PDE4D: variants seen among roughly 807,000 people sequenced by gnomAD.
The protein encoded by PDE4D is phosphodiesterase 4D, also known as 3',5'-cyclic-AMP phosphodiesterase 4D.
A neutral mutation model predicts 87.4 loss-of-function variants in PDE4D; 24 were observed. That is an observed-to-expected ratio of 0.27 (90% CI 0.20 to 0.39). The LOEUF (loss-of-function observed/expected upper bound fraction) is 0.39. Among genes scored for constraint, PDE4D ranks in the 10% least tolerant of loss-of-function variants. The pLI is 1.00. For synonymous variants in PDE4D, 384 were observed against 383.2 expected (o/e 1.00, Z -0.02); for missense variants, 714 against 1,041.0 (o/e 0.69, Z 4.32).
At chr5:59,325,466 A>G (rs182735701) in intron 1 of PDE4D, among the ~76,000 whole-genome samples, 2 of 152,222 alleles carry the variant, frequency 1.3e-5, no homozygotes, top group East Asian at 1.9e-4. Context: ...GCATAGCAAA[A>G]GGACCTACAC....
chr5:59,200,003 C>T (rs552630026), intron 2 of PDE4D, among the ~76,000 whole-genome samples: 5 of 146,894 alleles, frequency 3.4e-5, no homozygotes, highest in South Asian at 4.5e-4. Flanking sequence ...TACATGCATG[C>T]AACATACATA....
chr5:60,280,152 A>G lies in PDE4D; in HGVS notation c.-89-94465T>C, dbSNP rs569547529. Among the ~76,000 whole-genome samples the G allele has an allele frequency of 1.1e-4, 16 of 152,236 alleles. No homozygotes were observed. The South Asian group carries it at 3.1e-3, about 30-fold the overall frequency. Reference sequence around the variant, plus strand: ...CGTTTTAAACAACATTACTCAACATATGCAACAAGTAAGTCATTATCATTC... The same window carrying G: ...CGTTTTAAACAACATTACTCAACATGTGCAACAAGTAAGTCATTATCATTC... On this transcript the variant is annotated intron_variant, in intron 1 of 16. Transcript: ENST00000502484.
At chr5:60,096,045 C>T (rs568210307) in intron 2 of PDE4D, among the ~76,000 whole-genome samples, 3 of 152,072 alleles carry the variant, frequency 2.0e-5, no homozygotes, top group Non-Finnish European at 2.9e-5. Context: ...CTGTAGGCTG[C>T]CTGTTCACTC....
chr5:59,134,138 A>G (rs1342497356), intron 5 of PDE4D, among the ~76,000 whole-genome samples: 1 of 149,482 alleles, frequency 6.7e-6, no homozygotes. Context: ...CACCTCCCTC[A>G]TAAAGCTAGC....
chr5:59,534,387 C>T (rs1228291058), intron 1 of PDE4D, among the ~76,000 whole-genome samples: 1 of 152,164 alleles, frequency 6.6e-6, no homozygotes, highest in Non-Finnish European at 1.5e-5. Flanking sequence ...ACTGGAAACA[C>T]TATTTTGCCT....
At chr5:59,938,121 A>G (rs1408296396) in intron 3 of PDE4D, among the ~76,000 whole-genome samples, 2 of 152,220 alleles carry the variant, frequency 1.3e-5, no homozygotes, top group Non-Finnish European at 2.9e-5. Context: ...AATAGGCTAA[A>G]TTGTATTGAC....
chr5:59,023,901 CTT>C (rs200528506), intron 6 of PDE4D, among the ~76,000 whole-genome samples: 22 of 133,260 alleles, frequency 1.7e-4, no homozygotes, highest in African/African-American at 1.4e-4. Context: ...ATGAATTCTA[CTT>C]TTTTTTTTTT....
At chr5:59,407,412 C>CAA (rs1222237480) in intron 1 of PDE4D, among the ~76,000 whole-genome samples, 1 of 152,168 alleles carries the variant, frequency 6.6e-6, no homozygotes, top group Non-Finnish European at 1.5e-5. Flanking sequence ...TACCCAGTCT[C>CAA]AGATATTTCT....
chr5:59,113,621 A>T (rs1484210828), intron 5 of PDE4D, among the ~76,000 whole-genome samples: 1 of 152,222 alleles, frequency 6.6e-6, no homozygotes, highest in African/African-American at 2.4e-5. Flanking sequence ...ACATAAAGCG[A>T]AGTGGTACAC....
intron 1 of PDE4D, among the ~76,000 whole-genome samples, chr5:60,494,589 G>A (rs573271712): frequency 2.0e-5 from 3 of 152,106 alleles, no homozygotes; most frequent in Non-Finnish European, 4.4e-5. Context: ...AGTCTCCCTG[G>A]GCTCCCCAGA....
At chr5:60,303,534 C>T (rs1461058884) in intron 1 of PDE4D, among the ~76,000 whole-genome samples, 1 of 151,236 alleles carries the variant, frequency 6.6e-6, no homozygotes, top group East Asian at 2.0e-4. Flanking sequence ...GTCTCGATCT[C>T]CTGACCTCGT....
chr5:59,747,243 G>C (rs1759746003), intron 1 of PDE4D, among the ~76,000 whole-genome samples: 1 of 152,030 alleles, frequency 6.6e-6, no homozygotes, highest in Non-Finnish European at 1.5e-5. Context: ...AACCCAATGA[G>C]TCCTCCAGTG....
At chr5:60,301,456 A>G (rs981675544) in intron 1 of PDE4D, among the ~76,000 whole-genome samples, 1 of 151,942 alleles carries the variant, frequency 6.6e-6, no homozygotes, top group Non-Finnish European at 1.5e-5. Flanking sequence ...TAGGTATTTT[A>G]TTCTTTCTGT....
intron 1 of PDE4D, among the ~76,000 whole-genome samples, chr5:59,884,291 C>A (rs569780719): frequency 6.6e-6 from 1 of 150,942 alleles, no homozygotes; most frequent in East Asian, 1.9e-4. Context: ...TACACACACA[C>A]ATATATATAT....
chr5:59,091,400 T>C (rs527706397), intron 5 of PDE4D, among the ~76,000 whole-genome samples: 2 of 152,116 alleles, frequency 1.3e-5, no homozygotes, highest in African/African-American at 4.8e-5. Context: ...AGAAAGAAGA[T>C]TGGACAGTAA....
chr5:59,341,264 G>A lies in PDE4D; in HGVS notation c.456-125296C>T, dbSNP rs1342118125. ...CAGAGTTATTACATTTGCAAGGGAG[G>A]GTAGAGAATAATGAAATTATATTGT... On this transcript the variant is annotated intron_variant, in intron 1 of 14. Coordinates refer to ENST00000340635, the MANE Select transcript of PDE4D (RefSeq NM_001104631.2). Among the ~76,000 whole-genome samples, 4 of 152,020 alleles carry A rather than the reference G, an allele frequency of 2.6e-5. No individual in the cohort carries two copies. The East Asian group carries it at 7.7e-4, about 29-fold the overall frequency.
intron 1 of PDE4D, among the ~76,000 whole-genome samples, chr5:59,470,956 G>A (rs1413561301): frequency 6.6e-6 from 1 of 152,100 alleles, no homozygotes; most frequent in Non-Finnish European, 1.5e-5. Context: ...AAATGGAGCC[G>A]AGTGCAATGG....
chr5:59,111,016 C>A (rs1047162280), intron 5 of PDE4D, among the ~76,000 whole-genome samples: 1 of 152,182 alleles, frequency 6.6e-6, no homozygotes, highest in Non-Finnish European at 1.5e-5. Context: ...GCCTCCACAC[C>A]CAGGAGGATT....
At chr5:59,251,720 G>A (rs982197935) in intron 1 of PDE4D, among the ~76,000 whole-genome samples, 6 of 151,986 alleles carry the variant, frequency 3.9e-5, no homozygotes, top group African/African-American at 1.5e-4. Flanking sequence ...TAAAGATACA[G>A]GCAAACGAAT....
Sources: gnomAD v4.1 joint callset for allele counts (sites outside exome capture counted in the v4.1 genomes callset) on GRCh38, gnomAD v4.1.1 for gene constraint, MANE v1.5 for transcripts, NCBI Gene and HGNC (gene_info 2026-07-23, HGNC 2026-07-21) for gene names.